Variants in LRPPRC observed in about 807,000 individuals in gnomAD.
LRPPRC encodes the protein leucine-rich PPR motif-containing protein, mitochondrial.
A neutral mutation model predicts 180.3 loss-of-function variants in LRPPRC; 120 were observed. The observed-to-expected ratio is 0.67, with a 90% confidence interval of 0.57 to 0.77. The LOEUF (loss-of-function observed/expected upper bound fraction) is 0.77, where lower values mean the gene tolerates loss of function less well. LRPPRC is among the 30% of genes least tolerant of loss of function. LRPPRC has a pLI of 0.00. For missense variants in LRPPRC, 2,012 were observed against 1,657.2 expected (o/e 1.21, Z -3.72); for synonymous variants, 723 against 600.0 (o/e 1.21, Z -3.00).
chr2:43,918,520 G>A (rs1026328442), intron 27 of LRPPRC, 122 bp from the exon 28 acceptor site: 2 of 812,980 alleles, frequency 2.5e-6, no homozygotes, highest in East Asian at 2.7e-5. Flanking sequence ...TGCCTTTAGG[G>A]AAAGGAACCA....
intron 27 of LRPPRC, among the ~76,000 whole-genome samples, chr2:43,924,353 T>A (rs757813001): frequency 1.3e-5 from 2 of 152,098 alleles, no homozygotes; most frequent in African/African-American, 2.4e-5. Context: ...AAAAGAGAGA[T>A]CGAAAGTTTC....
At chr2:43,930,541 G>A (rs1050323593) in intron 25 of LRPPRC, among the ~76,000 whole-genome samples, 1 of 152,072 alleles carries the variant, frequency 6.6e-6, no homozygotes. Context: ...ATTTTTAATG[G>A]CCACATCATT....
rs1491169258 is a variant in LRPPRC, at chr2:43,916,949, GGA to G, written c.3148+1074_3148+1075del. The stretch of plus-strand genomic sequence containing the variant: ...GACAGAGTGAGACCTGTCTCCGGGG[GGA>G]AAAAAAAAAAAAAAAAAAGAATAGT... On this transcript the variant is annotated intron_variant, in intron 29 of 37. Transcript: ENST00000260665. Among the ~76,000 whole-genome samples the G allele has an allele frequency of 5.2e-4, 60 of 115,794 alleles. 1 individual carries two copies. Among genetic ancestry groups the G allele is most frequent in the Admixed American group, 9.8e-4 (10 of 10,204 alleles). The allele number at this position is 115,794 out of a possible 152,430, so 76.0% of individuals were successfully genotyped here.
intron 11 of LRPPRC, among the ~76,000 whole-genome samples, chr2:43,967,286 C>G (rs1559028502): frequency 6.6e-6 from 1 of 151,350 alleles, no homozygotes; most frequent in Non-Finnish European, 1.5e-5. Flanking sequence ...AGCCTGTGGT[C>G]CCACTGAGGC....
rs1038138726 is a variant in LRPPRC at position 43,971,499 on chromosome 2, A to G, written c.1369+2108T>C. On this transcript the variant is annotated intron_variant, in intron 11 of 37. Coordinates refer to ENST00000260665, the MANE Select transcript of LRPPRC (RefSeq NM_133259.4). ...CTGTGTCACAGTAAAAAAAAAAAAA[A>G]AAAAAGAAAAAAATATATATATATG... is the stretch of plus-strand genomic sequence containing the variant. 6.1e-5 allele frequency among the ~76,000 whole-genome samples: 9 copies of G among 147,798 alleles called. 1 individual carries two copies. The East Asian group carries it at 1.7e-3, about 29-fold the overall frequency.
At chr2:43,901,220 T>C (rs1381797619) in intron 32 of LRPPRC, 100 bp downstream of exon 32, 1 of 796,140 alleles carries the variant, frequency 1.3e-6, no homozygotes, top group East Asian at 2.5e-5. Context: ...CTGCAGTTGA[T>C]AAGGTTTCCA....
chr2:43,983,410 T>C (rs1202903246), intron 1 of LRPPRC, among the ~76,000 whole-genome samples: 1 of 152,148 alleles, frequency 6.6e-6, no homozygotes, highest in South Asian at 2.1e-4. Flanking sequence ...TCCCATATAC[T>C]TTCTTCTCTA....
rs747755084 is a variant in LRPPRC, at chr2:43,899,485, C to T, written c.3690G>A (p.Leu1230=). 3.3e-5 allele frequency: 54 copies of T among 1,613,968 alleles called. No homozygotes were observed. The highest frequency in any genetic ancestry group is 3.9e-5 in the Non-Finnish European group (46 of 1,180,004). ...YLFRKVIEEQ[L]EPAVEKISIM... is the part of the protein sequence containing the mutation. Reference sequence around the variant, plus strand: ...ACTTACTCTTTTCAACTGCTGGTTCCAACTGCTCCTCTATTACTTTTCTGA... The same window carrying T: ...ACTTACTCTTTTCAACTGCTGGTTCTAACTGCTCCTCTATTACTTTTCTGA... Residue 1230 remains leucine (L), a synonymous_variant, in exon 33 of 38, where the codon TTG becomes TTA. Coordinates refer to ENST00000260665, the MANE Select transcript of LRPPRC (RefSeq NM_133259.4).
chr2:43,932,891 C>T (rs941193929), intron 25 of LRPPRC, among the ~76,000 whole-genome samples: 2 of 152,198 alleles, frequency 1.3e-5, no homozygotes, highest in African/African-American at 2.4e-5. Context: ...TACACAAAGA[C>T]AGGCACATGC....
intron 7 of LRPPRC, 24 bp downstream of exon 7, chr2:43,975,067 T>C (rs1308442700): frequency 1.2e-6 from 2 of 1,609,070 alleles, no homozygotes; most frequent in Non-Finnish European, 1.7e-6. Flanking sequence ...TTTTAAAGTA[T>C]GTTTATTTAG....
chr2:43,939,029 T>C (rs369288312), intron 23 of LRPPRC, among the ~76,000 whole-genome samples: 1 of 151,680 alleles, frequency 6.6e-6, no homozygotes, highest in African/African-American at 2.4e-5. Context: ...TCCCAGCACT[T>C]TGGGAGGCTG....
Position 43,934,759 on chromosome 2 carries a change from T to C in LRPPRC, c.2624A>G (p.Gln875Arg). The part of the protein sequence containing the change: ...LVEKGETDLI[Q>R]KAMDFVSQEQ... ...GATACTAGAAAGTGACTCACCTTTCTGAATTAGATCAGTCTCGCCTTTCTC... is the reference window on the plus strand; with the variant it reads ...GATACTAGAAAGTGACTCACCTTTCCGAATTAGATCAGTCTCGCCTTTCTC... Residue 875 changes from glutamine to arginine, a missense_variant, in exon 24 of 38, where the codon CAG becomes CGG. Coordinates refer to ENST00000260665, the MANE Select transcript of LRPPRC (RefSeq NM_133259.4). 1.2e-6 allele frequency: 2 copies of C among 1,612,874 alleles called. No homozygotes were observed. The highest frequency in any genetic ancestry group is 1.1e-5 in the South Asian group (1 of 91,012).
intron 30 of LRPPRC, among the ~76,000 whole-genome samples, chr2:43,910,212 G>C (rs190857564): frequency 2.7e-5 from 4 of 150,450 alleles, no homozygotes; most frequent in African/African-American, 2.5e-5. Flanking sequence ...TCCAGGGTAA[G>C]GCAAGGAAAC....
In LRPPRC at chr2:43,957,405, G is replaced by T; in HGVS notation, c.1629C>A (p.Ser543Arg). Reference sequence around the variant, plus strand: ...CTTACCTCCTGAAGCCTAGCAGTAGGCTACTTCTTATAGACTGCAGCGAGA... The same window carrying T: ...CTTACCTCCTGAAGCCTAGCAGTAGTCTACTTCTTATAGACTGCAGCGAGA... ...LPISLQSIRS[S>R]LLLGFRRSMN... The change falls in exon 14 of 38, where the codon AGC (serine) becomes AGA (arginine). Residue 543 changes from serine (S) to arginine (R), a missense_variant. Ser to Arg is a moderately radical substitution (Grantham distance 110). Coordinates refer to ENST00000260665, the MANE Select transcript of LRPPRC (RefSeq NM_133259.4). 1 of 1,612,822 alleles carries T rather than the reference G, an allele frequency of 6.2e-7. No individual in the cohort carries two copies. The highest frequency in any genetic ancestry group is 1.3e-5 in the African/African-American group (1 of 74,992).
At chr2:43,950,866 T>A (rs1205121002) in intron 14 of LRPPRC, among the ~76,000 whole-genome samples, 1 of 152,122 alleles carries the variant, frequency 6.6e-6, no homozygotes, top group Non-Finnish European at 1.5e-5. Context: ...GGTCAGGAGT[T>A]TGAGACCAGC....
intron 3 of LRPPRC, among the ~76,000 whole-genome samples, chr2:43,979,203 T>C (rs1167134001): frequency 6.6e-6 from 1 of 152,126 alleles, no homozygotes; most frequent in Non-Finnish European, 1.5e-5. Flanking sequence ...CCAGTGTTCA[T>C]CATCCTTCTA....
At position 43,973,805 on chromosome 2, in the gene LRPPRC, G is replaced by A; in HGVS notation, c.1251C>T (p.Ala417=). 1 of 1,612,962 alleles carries A rather than the reference G, an allele frequency of 6.2e-7. No individual in the cohort carries two copies. Among genetic ancestry groups the A allele is most frequent in the Non-Finnish European group, 8.5e-7 (1 of 1,178,978 alleles). ...LQFTLHCALL[A]NKTDLAKALM... Reference sequence around the variant, plus strand: ...TTAAGAATGTAGTACCAGTTTTATTGGCGAGTAAAGCACAATGGAGGGTGA... The same window carrying A: ...TTAAGAATGTAGTACCAGTTTTATTAGCGAGTAAAGCACAATGGAGGGTGA... Residue 417 remains alanine, a synonymous_variant, in exon 10 of 38, where the codon GCC becomes GCT. Coordinates refer to ENST00000260665, the MANE Select transcript of LRPPRC (RefSeq NM_133259.4).
intron 24 of LRPPRC, among the ~76,000 whole-genome samples, chr2:43,934,530 G>A (rs1672203017): frequency 6.6e-6 from 1 of 151,796 alleles, no homozygotes; most frequent in Non-Finnish European, 1.5e-5. Flanking sequence ...CCAAGAATTA[G>A]AACACAAAAA....
intron 35 of LRPPRC, 127 bp from the exon 36 acceptor site, chr2:43,894,756 G>A (rs1670620844): frequency 4.5e-6 from 3 of 666,766 alleles, no homozygotes; most frequent in South Asian, 3.4e-5. Flanking sequence ...TAAATTTAAT[G>A]CACTATTGTC....
Sources: allele counts gnomAD v4.1 joint callset (sites outside exome capture counted in the v4.1 genomes callset), GRCh38; gene constraint gnomAD v4.1.1; transcripts MANE v1.5; gene names NCBI Gene and HGNC (gene_info 2026-07-23, HGNC 2026-07-21).